CSMD1: variants seen among roughly 807,000 people sequenced by gnomAD.
The protein encoded by CSMD1 is CUB and sushi domain-containing protein 1.
In CSMD1, 213 loss-of-function variants were observed where a neutral mutation model predicts 417.5. That is an observed-to-expected ratio of 0.51 (90% CI 0.46 to 0.57). The LOEUF is 0.57. CSMD1 is among the 20% of genes least tolerant of loss of function. The pLI is 0.00. For synonymous variants in CSMD1, 2,862 were observed against 1,736.8 expected (o/e 1.65, Z -16.11); for missense variants, 6,923 against 4,529.7 (o/e 1.53, Z -15.17).
At chr8:4,788,840 G>T (rs1417929526) in intron 1 of CSMD1, among the ~76,000 whole-genome samples, 1 of 152,174 alleles carries the variant, frequency 6.6e-6, no homozygotes, top group Non-Finnish European at 1.5e-5. Context: ...TTAAATTTAT[G>T]ACACAGAAAC....
chr8:4,195,725 C>G (rs555134131), intron 3 of CSMD1, among the ~76,000 whole-genome samples: 3 of 152,186 alleles, frequency 2.0e-5, no homozygotes, highest in Admixed American at 6.5e-5. Flanking sequence ...GGCCCCCAGA[C>G]AGCAAAACGT....
At chr8:3,928,352 A>AT (rs1809896849) in intron 5 of CSMD1, among the ~76,000 whole-genome samples, 1 of 149,674 alleles carries the variant, frequency 6.7e-6, no homozygotes, top group Non-Finnish European at 1.5e-5. Context: ...AACAAATGAT[A>AT]TATTGCCCTT....
chr8:3,354,424 A>G lies in CSMD1; in HGVS notation c.3304+4728T>C, dbSNP rs1187930462. On this transcript the variant is annotated intron_variant, in intron 21 of 69. Coordinates refer to ENST00000635120, the MANE Select transcript of CSMD1 (RefSeq NM_033225.6). ...TATGTTTTAGAAGCTTTATTTTAAA[A>G]GCACAGAAATAGAAAACAGCTCAAC... Among the ~76,000 whole-genome samples, 10 of 149,610 alleles carry G rather than the reference A, an allele frequency of 6.7e-5. No homozygotes were observed. In the Admixed American group the frequency reaches 6.8e-4, roughly 10 times the overall value.
chr8:3,524,535 A>C (rs1797672798), intron 10 of CSMD1, among the ~76,000 whole-genome samples: 1 of 151,348 alleles, frequency 6.6e-6, no homozygotes, highest in African/African-American at 2.4e-5. Flanking sequence ...ACATACGCAC[A>C]CACAAGCACA....
chr8:2,957,368 C>T (rs972843530), intron 63 of CSMD1, among the ~76,000 whole-genome samples: 8 of 152,120 alleles, frequency 5.3e-5, no homozygotes, highest in Admixed American at 1.3e-4. Context: ...CACTTATCTT[C>T]GGTTTCATGC....
At chr8:3,502,485 T>C (rs1373170137) in intron 10 of CSMD1, among the ~76,000 whole-genome samples, 1 of 152,044 alleles carries the variant, frequency 6.6e-6, no homozygotes. Flanking sequence ...AGCAGGTGAA[T>C]GGATAAACTG....
intron 59 of CSMD1, among the ~76,000 whole-genome samples, chr8:2,965,064 C>G (rs938570702): frequency 6.6e-6 from 1 of 152,156 alleles, no homozygotes; most frequent in East Asian, 1.9e-4. Flanking sequence ...TCTGCACCAG[C>G]TGATAAGAAA....
At chr8:4,027,421 G>C (rs1797119849) in intron 4 of CSMD1, among the ~76,000 whole-genome samples, 1 of 152,090 alleles carries the variant, frequency 6.6e-6, no homozygotes, top group African/African-American at 2.4e-5. Context: ...TGTGGGAGGT[G>C]ATTAGATCAT....
At chr8:4,361,963 T>C (rs764858291) in intron 3 of CSMD1, among the ~76,000 whole-genome samples, 1 of 150,538 alleles carries the variant, frequency 6.6e-6, no homozygotes, top group Non-Finnish European at 1.5e-5. Flanking sequence ...AGACTCCATC[T>C]CAAAATAAAT....
Position 4,155,728 on chromosome 8 carries a change from C to T in CSMD1, c.416-123629G>A, listed in dbSNP as rs569974952. 1.4e-3 allele frequency among the ~76,000 whole-genome samples: 218 copies of T among 152,222 alleles called. 4 individuals carry two copies. The highest frequency in any genetic ancestry group is 5.1e-3 in the African/African-American group (211 of 41,534). On this transcript the variant is annotated intron_variant, in intron 3 of 69. Coordinates refer to ENST00000635120, the MANE Select transcript of CSMD1 (RefSeq NM_033225.6). ...CTACTTCGTCAAATCACAACAGAAA[C>T]ATTCCTCCGTGTCAGCTTTTGTCAT...
chr8:4,821,902 A>T (rs1298447992), intron 1 of CSMD1, among the ~76,000 whole-genome samples: 2 of 152,042 alleles, frequency 1.3e-5, no homozygotes, highest in South Asian at 4.1e-4. Flanking sequence ...AAATGTGTGT[A>T]ATCACATTTG....
intron 2 of CSMD1, among the ~76,000 whole-genome samples, chr8:4,537,622 A>C (rs2130496608): frequency 6.6e-6 from 1 of 152,260 alleles, no homozygotes; most frequent in Non-Finnish European, 1.5e-5. Context: ...ATCTGACACT[A>C]TTCTATAAAC....
chr8:3,885,137 C>T (rs1053447539), intron 5 of CSMD1, among the ~76,000 whole-genome samples: 2 of 151,972 alleles, frequency 1.3e-5, no homozygotes, highest in Non-Finnish European at 2.9e-5. Flanking sequence ...ACCTCATTAA[C>T]AAGATCCCAT....
intron 39 of CSMD1, among the ~76,000 whole-genome samples, chr8:3,152,806 A>G (rs1229280377): frequency 2.6e-5 from 4 of 152,236 alleles, no homozygotes; most frequent in Non-Finnish European, 1.5e-5. Context: ...CCAGGCTCCC[A>G]TGTGCACTTT....
intron 1 of CSMD1, chr8:4,787,370 G>C: frequency 1.4e-6 from 1 of 730,076 alleles, no homozygotes; most frequent in South Asian, 1.5e-5. Context: ...GTAAAAAATT[G>C]TATGAGGGTA....
chr8:4,786,606 G>T (rs139435986), intron 1 of CSMD1, among the ~76,000 whole-genome samples: 8 of 152,290 alleles, frequency 5.3e-5, no homozygotes, highest in East Asian at 1.9e-4. Context: ...ATCAACATTC[G>T]TAAGATGATG....
chr8:3,222,192 C>T (rs930776561), intron 28 of CSMD1, among the ~76,000 whole-genome samples: 4 of 152,052 alleles, frequency 2.6e-5, no homozygotes, highest in African/African-American at 4.8e-5. Flanking sequence ...TTTCAAACTT[C>T]CAGAGGGGTG....
At chr8:4,589,815 G>C (rs894488743) in intron 2 of CSMD1, among the ~76,000 whole-genome samples, 6 of 152,178 alleles carry the variant, frequency 3.9e-5, no homozygotes, top group Admixed American at 2.0e-4. Flanking sequence ...AGAGTATCAA[G>C]AATACTTTGG....
chr8:4,282,733 A>G (rs1418378813), intron 3 of CSMD1, among the ~76,000 whole-genome samples: 2 of 152,230 alleles, frequency 1.3e-5, no homozygotes, highest in African/African-American at 4.8e-5. Context: ...AATTTTAATT[A>G]CTTGTAGCAA....
Sources: gnomAD v4.1 joint callset for allele counts (sites outside exome capture counted in the v4.1 genomes callset) on GRCh38, gnomAD v4.1.1 for gene constraint, MANE v1.5 for transcripts, NCBI Gene and HGNC (gene_info 2026-07-23, HGNC 2026-07-21) for gene names.